The following FGFR1 variants were observed in gnomAD, a reference collection of about 807,000 sequenced individuals.
The protein encoded by FGFR1 is fibroblast growth factor receptor 1.
Under a neutral mutation model 93.7 loss-of-function variants are expected in FGFR1, and 18 were observed. The observed-to-expected ratio is 0.19, with a 90% CI of 0.13 to 0.28. The LOEUF (loss-of-function observed/expected upper bound fraction) is 0.28, where lower values mean the gene tolerates loss of function less well. Among genes scored for constraint, FGFR1 ranks in the 10% least tolerant of loss-of-function variants. The pLI, the probability that FGFR1 is intolerant of heterozygous loss-of-function variation, is 1.00. For missense variants in FGFR1, 731 were observed against 1,080.4 expected (o/e 0.68, Z 4.53); for synonymous variants, 448 against 429.3 (o/e 1.04, Z -0.54).
In FGFR1 at chr8:38,411,750, G is replaced by A. The variant is rs1814479524; in HGVS notation, c.*1878C>T. On this transcript the variant is annotated 3_prime_UTR_variant, in exon 18 of 18. Coordinates refer to ENST00000447712, the MANE Select transcript of FGFR1 (RefSeq NM_023110.3). ...CAGTGATGACCAGCAGGTGGCAGAA[G>A]TAAATTCCAAGCAGCCAAAAAACCA... 1 of 231,122 alleles carries A rather than the reference G, an allele frequency of 4.3e-6. No homozygotes were observed. Among genetic ancestry groups the A allele is most frequent in the Non-Finnish European group, 8.6e-6 (1 of 116,528 alleles). The allele number at this position is 231,122 out of a possible 1,614,324, so 14.3% of individuals were successfully genotyped here.
rs769039309 is a variant in FGFR1 at position 38,426,506 on chromosome 8, C to A, written c.622-261G>T. Among the ~76,000 whole-genome samples, 5 of 152,220 alleles carry A rather than the reference C, an allele frequency of 3.3e-5. No individual in the cohort carries two copies. Among genetic ancestry groups the A allele is most frequent in the Non-Finnish European group, 7.3e-5 (5 of 68,040 alleles). ...TCATTCGTGATCCGGACAGATGTGC[C>A]TTCTGCAAACACTCCCAAATACACC... On this transcript the variant is annotated intron_variant, in intron 5 of 17. Coordinates refer to ENST00000447712, the MANE Select transcript of FGFR1 (RefSeq NM_023110.3). The surrounding 1 kb of genome is among the most constrained non-coding windows in gnomAD (Gnocchi z 4.1).
chr8:38,416,675 C>G (rs10958683), intron 12 of FGFR1, among the ~76,000 whole-genome samples: 32,844 of 151,516 alleles, frequency 0.22, 3,756 homozygotes, highest in East Asian at 0.33. Context: ...GGCTGGTCTC[C>G]AACTCCTGAC....
chr8:38,446,257 C>G (rs1244680196), intron 2 of FGFR1, among the ~76,000 whole-genome samples: 1 of 146,628 alleles, frequency 6.8e-6, no homozygotes, highest in African/African-American at 2.6e-5. Flanking sequence ...TGTAGCCAGG[C>G]TGCAGTGCAG....
At chr8:38,418,056 C>T (rs2150662785) in intron 10 of FGFR1, 65 bp from the exon 11 acceptor site, 4 of 1,611,136 alleles carry the variant, frequency 2.5e-6, no homozygotes, top group Non-Finnish European at 2.5e-6. Context: ...GAGAGGCACC[C>T]CATCTCCACC....
At position 38,417,943 on chromosome 8, in the gene FGFR1, C is replaced by A. The variant is rs1193286576; in HGVS notation, c.1479G>T (p.Val493=). 4.3e-6 allele frequency: 7 copies of A among 1,614,226 alleles called. No individual in the cohort carries two copies. The highest frequency in any genetic ancestry group is 5.9e-6 in the Non-Finnish European group (7 of 1,180,044). ...PLGEGCFGQV[V]LAEAIGLDKD... ...TGTCCAGCCCGATAGCCTCTGCCAA[C>A]ACCACCTGCCCAAAGCAGCCCTCTC... The change falls in exon 11 of 18, where the codon GTG becomes GTT. Residue 493 remains valine (V), a synonymous_variant. Coordinates refer to ENST00000447712, the MANE Select transcript of FGFR1 (RefSeq NM_023110.3).
intron 15 of FGFR1, 74 bp from the exon 16 acceptor site, chr8:38,414,363 A>G: frequency 6.2e-7 from 1 of 1,608,160 alleles, no homozygotes; most frequent in Non-Finnish European, 8.5e-7. Flanking sequence ...TCCTCTACCC[A>G]GGGCAGTGCC....
At chr8:38,459,365 C>T (rs900676259) in intron 1 of FGFR1, among the ~76,000 whole-genome samples, 3 of 152,196 alleles carry the variant, frequency 2.0e-5, no homozygotes, top group Non-Finnish European at 4.4e-5. Flanking sequence ...TTCTTGGCTT[C>T]GTTCACATGT....
chr8:38,455,281 G>C (rs1832482887), intron 2 of FGFR1, among the ~76,000 whole-genome samples: 1 of 151,902 alleles, frequency 6.6e-6, no homozygotes, highest in South Asian at 2.1e-4. Context: ...CCTAAGTATA[G>C]TTTTCTTTTT....
At chr8:38,460,198 A>G (rs1834046728) in intron 1 of FGFR1, among the ~76,000 whole-genome samples, 1 of 152,114 alleles carries the variant, frequency 6.6e-6, no homozygotes, top group African/African-American at 2.4e-5. Flanking sequence ...TAACTAACTA[A>G]AAGAAAGACC....
chr8:38,445,871 T>G (rs1829114757), intron 2 of FGFR1, among the ~76,000 whole-genome samples: 1 of 151,982 alleles, frequency 6.6e-6, no homozygotes, highest in South Asian at 2.1e-4. Context: ...ACTACCCAAG[T>G]TTTGAATGCC....
In FGFR1 at chr8:38,457,575, G is replaced by A. The variant is rs1218699250; in HGVS notation, c.-88-41C>T. On this transcript the variant is annotated intron_variant, in intron 1 of 17. Coordinates refer to ENST00000447712, the MANE Select transcript of FGFR1 (RefSeq NM_023110.3). ...AAACCCCAAAAGTTAGGAGGGTCTAGGTAGGGGAGGGGAAAGGAAAAACAG... is the reference window on the plus strand; with the variant it reads ...AAACCCCAAAAGTTAGGAGGGTCTAAGTAGGGGAGGGGAAAGGAAAAACAG... The A allele has an allele frequency of 3.9e-6, 6 of 1,535,324 alleles. No homozygotes were observed. The African/African-American group carries it at 8.2e-5, about 21-fold the overall frequency.
intron 2 of FGFR1, among the ~76,000 whole-genome samples, chr8:38,451,635 T>G (rs1271601740): frequency 1.3e-5 from 2 of 152,086 alleles, no homozygotes; most frequent in Non-Finnish European, 2.9e-5. Context: ...TTCCATTAAG[T>G]GCAACCTCTC....
At chr8:38,423,439 A>G (rs1819558400) in intron 7 of FGFR1, 3 of 391,654 alleles carry the variant, frequency 7.7e-6, no homozygotes. Flanking sequence ...AGCTTGCCTC[A>G]GCCTCCTGAG....
At chr8:38,448,278 A>ATTTT (rs200939148) in intron 2 of FGFR1, among the ~76,000 whole-genome samples, 11 of 136,354 alleles carry the variant, frequency 8.1e-5, no homozygotes, top group Non-Finnish European at 1.4e-4. Flanking sequence ...CAAAACACCA[A>ATTTT]TTTTTTTTTT....
chr8:38,425,334 G>A (rs540182301), intron 6 of FGFR1, among the ~76,000 whole-genome samples: 1 of 152,064 alleles, frequency 6.6e-6, no homozygotes, highest in South Asian at 2.1e-4. Context: ...TTTTTATAGA[G>A]ACAGGGTCTC....
At chr8:38,447,337 C>T (rs1456505646) in intron 2 of FGFR1, among the ~76,000 whole-genome samples, 2 of 152,150 alleles carry the variant, frequency 1.3e-5, no homozygotes, top group Non-Finnish European at 2.9e-5. Context: ...CCTAGTTCCA[C>T]CCCTCACCCA....
In FGFR1 at chr8:38,428,140, C is replaced by T. The variant is rs370079677; in HGVS notation, c.449-47G>A. The stretch of plus-strand genomic sequence containing the variant: ...AGACAGGCAGGGTGGAGAGGAGCAG[C>T]TGGTCAGGCTCAGGAGCAGGGCCCA... On this transcript the variant is annotated intron_variant, in intron 4 of 17. Transcript: ENST00000447712. 22 of 1,611,910 alleles carry T rather than the reference C, an allele frequency of 1.4e-5. No homozygotes were observed. In the African/African-American group the frequency reaches 2.9e-4, roughly 22 times the overall value.
rs1357433548 is a variant in FGFR1, at chr8:38,429,656, G to T, written c.358+26C>A. The T allele has an allele frequency of 2.6e-6, 4 of 1,556,748 alleles. No individual in the cohort carries two copies. The highest frequency in any genetic ancestry group is 3.5e-6 in the Non-Finnish European group (4 of 1,149,790). ...GCTGGAGGGGGTGGGTCTAGGGAGG[G>T]GCAAGGGCAGGGCTTGGCTACCAAC... On this transcript the variant is annotated intron_variant, in intron 3 of 17. Coordinates refer to ENST00000447712, the MANE Select transcript of FGFR1 (RefSeq NM_023110.3). The surrounding 1 kb of genome is among the most constrained non-coding windows in gnomAD (Gnocchi z 4.4).
intron 8 of FGFR1, 94 bp downstream of exon 8, chr8:38,421,703 T>G: frequency 2.9e-6 from 4 of 1,360,668 alleles, no homozygotes; most frequent in Non-Finnish European, 4.2e-6. Context: ...CTTCCAGCTC[T>G]CCTGCCTCTG....
Sources: gnomAD v4.1 joint callset for allele counts (sites outside exome capture counted in the v4.1 genomes callset) on GRCh38, gnomAD v4.1.1 for gene constraint, Gnocchi (gnomAD v3.1) non-coding constraint, MANE v1.5 for transcripts, NCBI Gene and HGNC (gene_info 2026-07-23, HGNC 2026-07-21) for gene names.